Variants in USP24 observed in about 807,000 individuals in gnomAD.
USP24 encodes ubiquitin carboxyl-terminal hydrolase 24.
Under a neutral mutation model 361.6 loss-of-function variants are expected in USP24, and 97 were observed. The ratio of observed to expected loss-of-function variants is 0.27; its 90% CI spans 0.23 to 0.32. The LOEUF (loss-of-function observed/expected upper bound fraction) is 0.32, where lower values mean the gene tolerates loss of function less well. USP24 is among the 10% of genes least tolerant of loss of function. The pLI, the probability that USP24 is intolerant of heterozygous loss-of-function variation, is 1.00. For synonymous variants in USP24, 1,098 were observed against 1,124.6 expected, an observed-to-expected ratio of 0.98 and a Z score of 0.47; for missense variants, 2,353 against 3,165.6, an observed-to-expected ratio of 0.74 and a Z score of 6.16.
At chr1:55,189,303 G>A (rs61770999) in intron 1 of USP24, among the ~76,000 whole-genome samples, 8 of 152,124 alleles carry the variant, frequency 5.3e-5, no homozygotes, top group Non-Finnish European at 1.0e-4. Context: ...ATGTCCATGT[G>A]TTATATCCAT....
At chr1:55,210,076 T>C (rs1644812582) in intron 1 of USP24, among the ~76,000 whole-genome samples, 1 of 152,196 alleles carries the variant, frequency 6.6e-6, no homozygotes, top group African/African-American at 2.4e-5. Flanking sequence ...TATAAAGCTG[T>C]CACAACCTAC....
At chr1:55,111,227 G>T (rs1261994144) in intron 38 of USP24, among the ~76,000 whole-genome samples, 1 of 151,506 alleles carries the variant, frequency 6.6e-6, no homozygotes, top group East Asian at 1.9e-4. Context: ...GCTGTGAGAC[G>T]TAATTTTTTA....
At chr1:55,172,996 T>C (rs1649604253) in intron 3 of USP24, among the ~76,000 whole-genome samples, 1 of 152,238 alleles carries the variant, frequency 6.6e-6, no homozygotes, top group Admixed American at 6.5e-5. Context: ...AAGCATTTTA[T>C]AAATGGTAAG....
At chr1:55,148,434 A>G (rs779948789) in intron 17 of USP24, 29 bp downstream of exon 17, 2 of 1,489,240 alleles carry the variant, frequency 1.3e-6, no homozygotes, top group Non-Finnish European at 1.8e-6. Context: ...GCAAGTAACT[A>G]TAATAATAAA....
chr1:55,098,974 A>T (rs148654207), intron 45 of USP24, among the ~76,000 whole-genome samples: 3 of 152,344 alleles, frequency 2.0e-5, no homozygotes, highest in African/African-American at 7.2e-5. Context: ...GGGATCTGAG[A>T]AGGCAATACC....
At chr1:55,105,087 T>C (rs902918985) in intron 41 of USP24, among the ~76,000 whole-genome samples, 2 of 152,242 alleles carry the variant, frequency 1.3e-5, no homozygotes, top group African/African-American at 4.8e-5. Flanking sequence ...TATATGATTT[T>C]TACAAAAACA....
In USP24 at chr1:55,144,124, T is replaced by C. The variant is rs1446122685; in HGVS notation, c.2439+3A>G. Reference sequence around the variant, plus strand: ...TATCTAGATTTGAGAATAACGTACTTACCAACTGAGCTCCTTGTCTTTTCA... The same window carrying C: ...TATCTAGATTTGAGAATAACGTACTCACCAACTGAGCTCCTTGTCTTTTCA... On this transcript the variant is annotated splice_donor_region_variant and intron_variant, in intron 21 of 67. Transcript: ENST00000294383. 5.6e-6 allele frequency: 9 copies of C among 1,601,662 alleles called. No homozygotes were observed. Among genetic ancestry groups the C allele is most frequent in the Non-Finnish European group, 7.7e-6 (9 of 1,175,344 alleles).
intron 62 of USP24, among the ~76,000 whole-genome samples, chr1:55,076,593 GTC>G (rs1231847211): frequency 6.6e-6 from 1 of 152,096 alleles, no homozygotes; most frequent in African/African-American, 2.4e-5. Context: ...CTCTTGATCT[GTC>G]TGTCCCTTGC....
chr1:55,102,183 A>G (rs1330833756), intron 42 of USP24, among the ~76,000 whole-genome samples: 1 of 152,202 alleles, frequency 6.6e-6, no homozygotes, highest in Non-Finnish European at 1.5e-5. Context: ...AGTGATTACC[A>G]TGAAGGATCC....
intron 39 of USP24, 67 bp from the exon 40 acceptor site, chr1:55,107,497 A>G: frequency 6.9e-7 from 1 of 1,445,556 alleles, no homozygotes; most frequent in East Asian, 2.5e-5. Flanking sequence ...CAAAGTCCTG[A>G]ATTAAAGTAA....
intron 7 of USP24, 69 bp downstream of exon 7, chr1:55,165,816 T>A (rs1648775591): frequency 7.4e-7 from 1 of 1,356,164 alleles, no homozygotes; most frequent in African/African-American, 1.5e-5. Context: ...CCAGACCATA[T>A]CCTCTGGCTG....
intron 1 of USP24, among the ~76,000 whole-genome samples, chr1:55,194,002 T>C (rs554706799): frequency 2.6e-4 from 39 of 152,268 alleles, no homozygotes; most frequent in African/African-American, 8.4e-4. Context: ...ATTGGTAGCA[T>C]AGCATGGCCT....
At chr1:55,210,495 TG>T (rs1322504006) in intron 1 of USP24, among the ~76,000 whole-genome samples, 2 of 152,188 alleles carry the variant, frequency 1.3e-5, no homozygotes, top group African/African-American at 4.8e-5. Flanking sequence ...ATACTAGGGT[TG>T]TTGTATTTTA....
chr1:55,201,904 A>T (rs1644585785), intron 1 of USP24, among the ~76,000 whole-genome samples: 4 of 152,306 alleles, frequency 2.6e-5, no homozygotes, highest in Admixed American at 1.3e-4. Flanking sequence ...ATCTCTGCCA[A>T]CTGCAAGGCT....
chr1:55,100,911 G>A lies in USP24; in HGVS notation c.5199C>T (p.Tyr1733=). Residue 1733 remains tyrosine (Y), a synonymous_variant, in exon 44 of 68, where the codon TAC becomes TAT. Transcript: ENST00000294383. The part of the protein sequence containing the change: ...DTDNPDDSVF[Y]QVQSLFGHLM... Reference sequence around the variant, plus strand: ...AATGTCCAAAGAGAGACTGCACTTGGTAAAACACGCTATCATCTGGATTGT... The same window carrying A: ...AATGTCCAAAGAGAGACTGCACTTGATAAAACACGCTATCATCTGGATTGT... The A allele has an allele frequency of 6.2e-7, 1 of 1,613,628 alleles. No individual in the cohort carries two copies. Among genetic ancestry groups the A allele is most frequent in the Non-Finnish European group, 8.5e-7 (1 of 1,179,718 alleles).
At chr1:55,214,680 G>T in intron 1 of USP24, 110 bp downstream of exon 1, 1 of 937,786 alleles carries the variant, frequency 1.1e-6, no homozygotes, top group Non-Finnish European at 1.3e-6. Context: ...CCCCACTAAA[G>T]CCCCAGTCGA....
chr1:55,189,971 C>T (rs1004803442), intron 1 of USP24, among the ~76,000 whole-genome samples: 5 of 151,710 alleles, frequency 3.3e-5, no homozygotes, highest in Non-Finnish European at 7.4e-5. Context: ...TTGAGACCAG[C>T]CTGACCAACA....
At chr1:55,207,741 G>A (rs937271884) in intron 1 of USP24, among the ~76,000 whole-genome samples, 1 of 152,140 alleles carries the variant, frequency 6.6e-6, no homozygotes, top group Non-Finnish European at 1.5e-5. Context: ...GCTATCAAGG[G>A]ACAACTGTAT....
intron 44 of USP24, among the ~76,000 whole-genome samples, chr1:55,100,586 C>T (rs1645609363): frequency 1.3e-5 from 2 of 151,506 alleles, no homozygotes; most frequent in South Asian, 4.2e-4. Flanking sequence ...TTTCAAAGAA[C>T]TAAAATAAGA....
Sources: gnomAD v4.1 joint callset for allele counts (sites outside exome capture counted in the v4.1 genomes callset) on GRCh38, gnomAD v4.1.1 for gene constraint, MANE v1.5 for transcripts, NCBI Gene and HGNC (gene_info 2026-07-23, HGNC 2026-07-21) for gene names.